The following RGS6 variants were observed in gnomAD, a reference collection of about 807,000 sequenced individuals.
The protein encoded by RGS6 is regulator of G-protein signaling 6.
RGS6 carries 30 observed loss-of-function variants against 78.5 expected under a neutral mutation model. That is an observed-to-expected ratio of 0.38 (90% CI 0.29 to 0.52). The LOEUF is 0.52. Ranked by LOEUF, RGS6 falls within the 20% of genes least tolerant of loss-of-function variation. The pLI is 0.85. For synonymous variants in RGS6, 206 were observed against 206.0 expected (o/e 1.00, Z 0.00); for missense variants, 495 against 609.7 (o/e 0.81, Z 1.98).
At chr14:72,522,838 T>C (rs553950329) in intron 15 of RGS6, among the ~76,000 whole-genome samples, 2 of 152,364 alleles carry the variant, frequency 1.3e-5, no homozygotes, top group South Asian at 4.1e-4. Context: ...ATGAAAATTA[T>C]TGAAATGCTT....
the RGS6 span, among the ~76,000 whole-genome samples, chr14:71,887,409 C>T: frequency 6.6e-6 from 1 of 152,116 alleles, no homozygotes; most frequent in Non-Finnish European, 1.5e-5. Flanking sequence ...CAAAAAGAGC[C>T]ATATTTTTCT....
At chr14:71,902,056 A>G in the RGS6 span, among the ~76,000 whole-genome samples, 1 of 129,870 alleles carries the variant, frequency 7.7e-6, no homozygotes, top group Non-Finnish European at 1.7e-5. Context: ...CCTGAGATTA[A>G]GAGTCAACAT....
the RGS6 span, among the ~76,000 whole-genome samples, chr14:72,598,980 G>A: frequency 3.3e-5 from 5 of 151,648 alleles, no homozygotes; most frequent in African/African-American, 1.2e-4. Flanking sequence ...TCTGGGCATT[G>A]GGAGACCCAG....
intron 2 of RGS6, among the ~76,000 whole-genome samples, chr14:71,977,886 T>C (rs1279814544): frequency 2.0e-5 from 3 of 152,132 alleles, no homozygotes; most frequent in Non-Finnish European, 4.4e-5. Flanking sequence ...TGATTCTCCC[T>C]ACCCATGAGC....
chr14:71,928,618 A>T (rs1198915049), upstream of RGS6, among the ~76,000 whole-genome samples: 1 of 152,140 alleles, frequency 6.6e-6, no homozygotes, highest in South Asian at 2.1e-4. Flanking sequence ...TCAATTTATC[A>T]CCCGTTTTGA....
the RGS6 span, among the ~76,000 whole-genome samples, chr14:71,910,201 AAAAACAAAACAAAAC>A: frequency 6.7e-6 from 1 of 150,332 alleles, no homozygotes; most frequent in African/African-American, 2.5e-5. Context: ...AAACAAAAAC[AAAAACAAAACAAAAC>A]AAAACAAAAC....
At chr14:72,034,477 A>G (rs185624794) in intron 2 of RGS6, among the ~76,000 whole-genome samples, 1 of 151,082 alleles carries the variant, frequency 6.6e-6, no homozygotes, top group East Asian at 1.9e-4. Flanking sequence ...ACATTGATTG[A>G]TTTTTGTATG....
chr14:72,383,179 T>TAC (rs2086697350), intron 3 of RGS6, among the ~76,000 whole-genome samples: 2 of 70,566 alleles, frequency 2.8e-5, no homozygotes, highest in Non-Finnish European at 5.0e-5. Context: ...AAATTGTACA[T>TAC]ATATATATAT....
chr14:72,145,415 G>A (rs749012680), intron 2 of RGS6, among the ~76,000 whole-genome samples: 5 of 152,138 alleles, frequency 3.3e-5, no homozygotes, highest in Admixed American at 6.5e-5. Flanking sequence ...ACAGCTTAAA[G>A]GATAGAAACA....
chr14:72,198,222 G>A (rs939452244), intron 2 of RGS6, among the ~76,000 whole-genome samples: 7 of 152,256 alleles, frequency 4.6e-5, no homozygotes, highest in African/African-American at 1.7e-4. Context: ...GTGCGATGCT[G>A]TGCACGTGTA....
chr14:71,992,805 C>T (rs1198588543), intron 2 of RGS6, among the ~76,000 whole-genome samples: 1 of 152,220 alleles, frequency 6.6e-6, no homozygotes, highest in South Asian at 2.1e-4. Context: ...TTTCTACACC[C>T]TTGTCTATAA....
intron 13 of RGS6, among the ~76,000 whole-genome samples, 174 bp downstream of exon 13, chr14:72,495,436 A>G (rs2096632337): frequency 6.6e-6 from 1 of 152,062 alleles, no homozygotes; most frequent in African/African-American, 2.4e-5. Flanking sequence ...TATAGCTTTG[A>G]TTTGTGCATG....
chr14:72,042,487 A>G (rs1350777289), intron 2 of RGS6, among the ~76,000 whole-genome samples: 2 of 152,172 alleles, frequency 1.3e-5, no homozygotes, highest in African/African-American at 4.8e-5. Flanking sequence ...TATGTAAATC[A>G]TCTGCAATTC....
At chr14:72,482,017 AG>A (rs1235796442) in intron 12 of RGS6, among the ~76,000 whole-genome samples, 2 of 151,962 alleles carry the variant, frequency 1.3e-5, no homozygotes, top group African/African-American at 4.8e-5. Flanking sequence ...TCACCATGTT[AG>A]TCAGGATGGT....
Position 72,352,169 on chromosome 14 carries a change from C to T in RGS6, c.159C>T (p.Leu53=). ...GVPIRTVKSF[L]SKIPSVVTGT... ...CCATCAGAACAGTCAAGAGCTTTCT[C>T]TCCAAAATCCCCAGTGTCGTCACAG... The change falls in exon 3 of 18, where the codon CTC becomes CTT. Residue 53 remains leucine (L), a synonymous_variant. Coordinates refer to ENST00000553525, the MANE Select transcript of RGS6 (RefSeq NM_001204424.2). 6.2e-7 allele frequency: 1 copy of T among 1,613,338 alleles called. No individual in the cohort carries two copies. The highest frequency in any genetic ancestry group is 8.5e-7 in the Non-Finnish European group (1 of 1,179,636).
intron 12 of RGS6, among the ~76,000 whole-genome samples, chr14:72,491,131 T>TC (rs1379399049): frequency 2.6e-5 from 4 of 152,242 alleles, no homozygotes; most frequent in Admixed American, 1.3e-4. Context: ...ATTGTGGCTC[T>TC]GACTTTGCTG....
intron 2 of RGS6, among the ~76,000 whole-genome samples, chr14:72,298,533 C>T (rs572672167): frequency 9.9e-5 from 15 of 150,838 alleles, no homozygotes; most frequent in African/African-American, 2.7e-4. Flanking sequence ...CTGCAAGCTC[C>T]GCCTCCCGGG....
chr14:72,113,113 C>A (rs530199651), intron 2 of RGS6, among the ~76,000 whole-genome samples: 1 of 149,962 alleles, frequency 6.7e-6, no homozygotes, highest in Non-Finnish European at 1.5e-5. Context: ...TGCACACACA[C>A]ACCCCACTTC....
chr14:72,551,973 C>T (rs184721612), intron 17 of RGS6, among the ~76,000 whole-genome samples: 3 of 152,314 alleles, frequency 2.0e-5, no homozygotes, highest in Non-Finnish European at 2.9e-5. Context: ...GTGTGCAGTG[C>T]GTGTGCTTAA....
Sources: allele counts gnomAD v4.1 joint callset (sites outside exome capture counted in the v4.1 genomes callset), GRCh38; gene constraint gnomAD v4.1.1; transcripts MANE v1.5; gene names NCBI Gene and HGNC (gene_info 2026-07-23, HGNC 2026-07-21).